MACF1: variants seen among roughly 807,000 people sequenced by gnomAD.
The protein encoded by MACF1 is microtubule-actin cross-linking factor 1.
In MACF1, 193 loss-of-function variants were observed where a neutral mutation model predicts 854.8. The observed-to-expected ratio is 0.23, with a 90% confidence interval of 0.20 to 0.25. MACF1 has a LOEUF of 0.25. Ranked by LOEUF, MACF1 falls within the 10% of genes least tolerant of loss-of-function variation. MACF1 has a pLI of 1.00. For missense variants in MACF1, 7,722 were observed against 8,929.1 expected, an observed-to-expected ratio of 0.86 and a Z score of 5.45; for synonymous variants, 3,185 against 3,226.7, an observed-to-expected ratio of 0.99 and a Z score of 0.44.
At chr1:39,269,346 T>G in intron 6 of MACF1, 1 of 1,289,870 alleles carries the variant, frequency 7.8e-7, no homozygotes, top group Non-Finnish European at 1.0e-6. Context: ...AGAACAATTT[T>G]CAGAGGGCTG....
chr1:39,101,460 C>G lies in MACF1; in HGVS notation c.220+17022C>G, dbSNP rs182833448. On this transcript the variant is annotated intron_variant, in intron 2 of 93. Coordinates refer to the MACF1 transcript ENST00000361689. ...CCCAGGCTGGTCGTGAACTCCTGGG[C>G]TCAAGCAATCCTCTGGCCTCGGCCT... Among the ~76,000 whole-genome samples the G allele has an allele frequency of 3.3e-3, 504 of 151,536 alleles. 5 individuals carry two copies. The highest frequency in any genetic ancestry group is 0.012 in the African/African-American group (487 of 41,364).
intron 1 of MACF1, among the ~76,000 whole-genome samples, chr1:39,223,589 A>G (rs1217555350): frequency 6.6e-6 from 1 of 151,426 alleles, no homozygotes; most frequent in Non-Finnish European, 1.5e-5. Flanking sequence ...ATCTTGGCTC[A>G]CTGTGACCTC....
At position 39,323,018 on chromosome 1, in the gene MACF1, G is replaced by A; in HGVS notation, c.4236+10G>A. On this transcript the variant is annotated intron_variant, in intron 33 of 100. Transcript: ENST00000564288. ...TCTGGAGGAGGAGGAGGTGAGGACA[G>A]TTGGGTCCAAAGTCATCTTGAAAGT... is the stretch of plus-strand genomic sequence containing the variant. 1 of 1,613,066 alleles carries A rather than the reference G, an allele frequency of 6.2e-7. No homozygotes were observed. The highest frequency in any genetic ancestry group is 8.5e-7 in the Non-Finnish European group (1 of 1,179,100).
rs1250878280 is a variant in MACF1, at chr1:39,315,690, A to G, written c.3448A>G (p.Lys1150Glu). 1 of 1,613,156 alleles carries G rather than the reference A, an allele frequency of 6.2e-7. No individual in the cohort carries two copies. Among genetic ancestry groups the G allele is most frequent in the African/African-American group, 1.3e-5 (1 of 74,914 alleles). The stretch of plus-strand genomic sequence containing the variant: ...TGGTCTCTCTACTGTATATCTGAAT[A>G]AGTGAGTGAGCTGAGGTTTTGGGTC... ...VYGLSTVYLN[K>E]LKTVDVIVRS... The change falls in exon 27 of 101, where the codon AAG becomes GAG. Residue 1150 changes from lysine to glutamate, a missense_variant and splice_region_variant. By Grantham distance (56) the Lys-to-Glu change is moderately conservative. Around this residue, in one of 15 missense-constraint regions of MACF1, gnomAD observed 1,137 missense variants for 1,263.0 expected, o/e 0.90. Coordinates refer to ENST00000564288, the MANE Select transcript of MACF1 (RefSeq NM_001394062.1).
At chr1:39,181,570 T>C (rs1644105616) in intron 2 of MACF1, among the ~76,000 whole-genome samples, 1 of 152,284 alleles carries the variant, frequency 6.6e-6, no homozygotes, top group Middle Eastern at 3.4e-3. Flanking sequence ...CTGAAATTCA[T>C]GTGAAAATGC....
intron 55 of MACF1, among the ~76,000 whole-genome samples, chr1:39,381,513 T>C (rs1294951248): frequency 1.3e-5 from 2 of 152,020 alleles, no homozygotes; most frequent in Non-Finnish European, 2.9e-5. Context: ...ACCACAAGCA[T>C]GTGCTACCAC....
chr1:39,091,858 T>C (rs1641816570), intron 2 of MACF1, among the ~76,000 whole-genome samples: 1 of 152,170 alleles, frequency 6.6e-6, no homozygotes, highest in Non-Finnish European at 1.5e-5. Context: ...GTTCATAGAT[T>C]CATGAATGTG....
chr1:39,085,563 C>G (rs188940452), intron 2 of MACF1, among the ~76,000 whole-genome samples: 30 of 152,320 alleles, frequency 2.0e-4, no homozygotes, highest in African/African-American at 6.7e-4. Flanking sequence ...TTGCCACCAT[C>G]CTCCACGTGA....
At chr1:39,169,637 C>T (rs938567453) in intron 2 of MACF1, among the ~76,000 whole-genome samples, 9 of 151,644 alleles carry the variant, frequency 5.9e-5, no homozygotes, top group Non-Finnish European at 8.8e-5. Flanking sequence ...TTTATGCTCT[C>T]ATCCCCTTCC....
At chr1:39,304,595 G>A in intron 23 of MACF1, 1 of 683,762 alleles carries the variant, frequency 1.5e-6, no homozygotes, top group Non-Finnish European at 2.4e-6. Flanking sequence ...ACAGAGCCTT[G>A]CTCTGTCGCT....
At chr1:39,481,144 T>C in intron 99 of MACF1, 114 bp downstream of exon 99, 2 of 635,832 alleles carry the variant, frequency 3.1e-6, no homozygotes, top group Non-Finnish European at 5.4e-6. Flanking sequence ...TCTGTGGTGC[T>C]TGCTGTCACA....
In MACF1 at chr1:39,295,872, C is replaced by T. The variant is rs1190139479; in HGVS notation, c.2345C>T (p.Ala782Val). Reference protein sequence around the residue: ...CVEQHVKENTAYFQFFSDARE... With the variant: ...CVEQHVKENTVYFQFFSDARE... ...GAGCAGCATGTGAAAGAGAATACTG[C>T]TTATTTTCAGGTGTGATGGATTTCT... The change falls in exon 20 of 101, where the codon GCT becomes GTT. Residue 782 changes from alanine to valine, a missense_variant. Around this residue, in one of 15 missense-constraint regions of MACF1, gnomAD observed 1,137 missense variants for 1,263.0 expected, o/e 0.90. Transcript: ENST00000564288. 1 of 1,613,628 alleles carries T rather than the reference C, an allele frequency of 6.2e-7. No homozygotes were observed. The highest frequency in any genetic ancestry group is 8.5e-7 in the Non-Finnish European group (1 of 1,179,824).
chr1:39,283,542 T>G lies in MACF1; in HGVS notation c.915+27T>G. 1 of 1,509,914 alleles carries G rather than the reference T, an allele frequency of 6.6e-7. No individual in the cohort carries two copies. The allele number at this position is 1,509,914 out of a possible 1,614,324, so 93.5% of individuals were successfully genotyped here. ...TAAAAGAACATTTTCCTAGAAGGCCTTCTGACTTTGATTCATTTGGGTGAA... is the reference window on the plus strand; with the variant it reads ...TAAAAGAACATTTTCCTAGAAGGCCGTCTGACTTTGATTCATTTGGGTGAA... On this transcript the variant is annotated intron_variant, in intron 9 of 100. Coordinates refer to ENST00000564288, the MANE Select transcript of MACF1 (RefSeq NM_001394062.1). This position sits in a 1 kb window ranked among gnomAD's most constrained non-coding sequence, Gnocchi z 4.5.
In MACF1 at chr1:39,332,056, C is replaced by G. The variant is rs148014652; in HGVS notation, c.5468C>G (p.Thr1823Arg). 9 of 1,614,020 alleles carry G rather than the reference C, an allele frequency of 5.6e-6. No homozygotes were observed. Among genetic ancestry groups the G allele is most frequent in the Admixed American group, 3.3e-5 (2 of 59,970 alleles). ...IIDTVTGQRLTIDEAVSNDLV... is the reference protein window; with the variant it reads ...IIDTVTGQRLRIDEAVSNDLV... ...GACACTGTCACGGGGCAAAGGCTAA[C>G]AATAGATGAAGCAGTGAGCAATGAT... Residue 1823 changes from threonine (T) to arginine (R), a missense_variant, in exon 37 of 101, where the codon ACA becomes AGA. Thr to Arg is a moderately conservative substitution (Grantham distance 71, BLOSUM62 -1). This residue lies in a region of MACF1 where 1,531 missense variants were observed against 1,601.6 expected (regional missense o/e 0.96). Transcript: ENST00000564288.
At chr1:39,146,786 CACA>C (rs150519282) in intron 2 of MACF1, among the ~76,000 whole-genome samples, 4,690 of 152,154 alleles carry the variant, frequency 0.031, 232 homozygotes, top group African/African-American at 0.11. Flanking sequence ...TATTTGCTAG[CACA>C]ACAAGGTGAC....
intron 2 of MACF1, among the ~76,000 whole-genome samples, chr1:39,236,919 T>C (rs1644865570): frequency 1.3e-5 from 2 of 152,174 alleles, no homozygotes; most frequent in Admixed American, 1.3e-4. Flanking sequence ...CCTTCCAAAG[T>C]GATGAGATTA....
In MACF1 at chr1:39,283,573, T is replaced by G; in HGVS notation, c.915+58T>G. On this transcript the variant is annotated intron_variant, in intron 9 of 100. Coordinates refer to ENST00000564288, the MANE Select transcript of MACF1 (RefSeq NM_001394062.1). The surrounding 1 kb of genome is among the most constrained non-coding windows in gnomAD (Gnocchi z 4.5). ...CTTTGATTCATTTGGGTGAAATGCATTGGTTAGACACTTTCTTAAGCACTT... is the reference window on the plus strand; with the variant it reads ...CTTTGATTCATTTGGGTGAAATGCAGTGGTTAGACACTTTCTTAAGCACTT... 1 of 1,225,404 alleles carries G rather than the reference T, an allele frequency of 8.2e-7. No homozygotes were observed. Among genetic ancestry groups the G allele is most frequent in the South Asian group, 1.2e-5 (1 of 81,936 alleles). The allele number at this position is 1,225,404 out of a possible 1,614,324, so 75.9% of individuals were successfully genotyped here.
At chr1:39,444,579 T>G in intron 79 of MACF1, 83 bp from the exon 80 acceptor site, 3 of 1,289,928 alleles carry the variant, frequency 2.3e-6, no homozygotes, top group Non-Finnish European at 3.2e-6. Flanking sequence ...TCCTGGACTT[T>G]CCCAGACTCT....
At chr1:39,111,441 G>C (rs1238836389) in intron 2 of MACF1, among the ~76,000 whole-genome samples, 2 of 151,856 alleles carry the variant, frequency 1.3e-5, no homozygotes, top group African/African-American at 4.8e-5. Context: ...GGAGTGCAGT[G>C]GTGCGAACTC....
Sources: allele counts gnomAD v4.1 joint callset (sites outside exome capture counted in the v4.1 genomes callset), GRCh38; gene constraint gnomAD v4.1.1; regional missense constraint gnomAD v4.1.1; non-coding constraint Gnocchi (gnomAD v3.1); transcripts MANE v1.5; gene names NCBI Gene and HGNC (gene_info 2026-07-23, HGNC 2026-07-21).